The following NCKAP5 variants were observed in gnomAD, a reference collection of about 807,000 sequenced individuals.
NCKAP5 encodes the protein nck-associated protein 5.
Under a neutral mutation model 167.0 loss-of-function variants are expected in NCKAP5, and 92 were observed. The observed-to-expected ratio is 0.55, with a 90% confidence interval of 0.47 to 0.66. The LOEUF (loss-of-function observed/expected upper bound fraction) is 0.66. NCKAP5 is among the 30% of genes least tolerant of loss of function. The probability of loss-of-function intolerance (pLI) is 0.00; values close to 1 mark genes in which losing one functional copy is unlikely to be tolerated. For missense variants in NCKAP5, 2,378 were observed against 2,315.0 expected, an observed-to-expected ratio of 1.03 and a Z score of -0.56; for synonymous variants, 891 against 877.4, an observed-to-expected ratio of 1.02 and a Z score of -0.27.
intron 19 of NCKAP5, among the ~76,000 whole-genome samples, chr2:132,724,801 ACCCT>A (rs1194428166): frequency 6.6e-6 from 1 of 151,768 alleles, no homozygotes; most frequent in East Asian, 1.9e-4. Context: ...TGCTACTCTA[ACCCT>A]CCCTCCCCCA....
chr2:132,784,268 A>G lies in NCKAP5; in HGVS notation c.2543T>C (p.Met848Thr). The change falls in exon 14 of 20, where the codon ATG becomes ACG. Residue 848 changes from methionine (M) to threonine (T), a missense_variant. By Grantham distance (81) the Met-to-Thr change is moderately conservative. This residue lies in a region of NCKAP5 where 1,049 missense variants were observed against 1,023.4 expected (regional missense o/e 1.02). Transcript: ENST00000409261. ...GAGGGGCCCTGAGCTCTCAGTCTTC[A>G]TGAATCGTGAGAGTTTCCCAGGAGC... ...ALAPGKLSRF[M>T]KTESSGPLFE... is the part of the protein sequence containing the mutation. 2 of 1,611,384 alleles carry G rather than the reference A, an allele frequency of 1.2e-6. No individual in the cohort carries two copies. Among genetic ancestry groups the G allele is most frequent in the Non-Finnish European group, 1.7e-6 (2 of 1,179,168 alleles).
chr2:132,925,523 C>T (rs563100757), intron 8 of NCKAP5, among the ~76,000 whole-genome samples: 55 of 144,852 alleles, frequency 3.8e-4, no homozygotes, highest in South Asian at 2.6e-3. Context: ...GATTGTGCCA[C>T]TGCACTCCAG....
chr2:133,299,324 G>A (rs184190786), intron 4 of NCKAP5, among the ~76,000 whole-genome samples: 20 of 152,238 alleles, frequency 1.3e-4, no homozygotes, highest in African/African-American at 4.3e-4. Flanking sequence ...GAGGCAACCC[G>A]GCCTGGTGAG....
chr2:133,443,236 C>T (rs1459893038), intron 3 of NCKAP5, among the ~76,000 whole-genome samples: 9 of 152,194 alleles, frequency 5.9e-5, no homozygotes, highest in Non-Finnish European at 4.4e-5. Flanking sequence ...TCAGTGTGAA[C>T]TTCACAAGTC....
intron 8 of NCKAP5, among the ~76,000 whole-genome samples, chr2:132,891,453 C>G (rs1251494255): frequency 6.6e-6 from 1 of 152,238 alleles, no homozygotes; most frequent in East Asian, 1.9e-4. Context: ...ATTCAGAAGT[C>G]TCTTACTGCT....
At chr2:133,174,705 T>C (rs1484405431) in intron 5 of NCKAP5, among the ~76,000 whole-genome samples, 1 of 149,590 alleles carries the variant, frequency 6.7e-6, no homozygotes, top group Non-Finnish European at 1.5e-5. Context: ...GTAACATCTT[T>C]TTTTTTTTTT....
chr2:132,947,494 C>T (rs967984404), intron 8 of NCKAP5, among the ~76,000 whole-genome samples: 5 of 152,246 alleles, frequency 3.3e-5, no homozygotes, highest in African/African-American at 1.2e-4. Flanking sequence ...GTACACAATT[C>T]CCTGCAGCTA....
chr2:133,589,001 T>C, the NCKAP5 span, among the ~76,000 whole-genome samples: 1 of 152,132 alleles, frequency 6.6e-6, no homozygotes, highest in Non-Finnish European at 1.5e-5. Context: ...CACATGGCCA[T>C]TGCAGACAAG....
chr2:133,666,690 A>C, the NCKAP5 span, among the ~76,000 whole-genome samples: 3 of 151,388 alleles, frequency 2.0e-5, 1 homozygote, highest in African/African-American at 7.4e-5. Context: ...AATAGATTAA[A>C]ATATTCTAAA....
At chr2:133,536,724 A>T (rs1685792539) in intron 2 of NCKAP5, among the ~76,000 whole-genome samples, 1 of 151,976 alleles carries the variant, frequency 6.6e-6, no homozygotes, top group African/African-American at 2.4e-5. Flanking sequence ...CTTGTCACAT[A>T]TAATATTTGC....
At chr2:133,017,628 C>T (rs944240001) in intron 6 of NCKAP5, among the ~76,000 whole-genome samples, 1 of 151,686 alleles carries the variant, frequency 6.6e-6, no homozygotes, top group East Asian at 1.9e-4. Context: ...AAAAATTGAA[C>T]ACTTTAAATC....
At chr2:132,914,256 C>T (rs926014124) in intron 8 of NCKAP5, among the ~76,000 whole-genome samples, 3 of 151,892 alleles carry the variant, frequency 2.0e-5, no homozygotes, top group Admixed American at 6.6e-5. Context: ...AAGCCTAATT[C>T]GTGTGCAAAG....
intron 4 of NCKAP5, among the ~76,000 whole-genome samples, chr2:133,259,306 T>C (rs1057114004): frequency 6.6e-6 from 1 of 152,216 alleles, no homozygotes; most frequent in Non-Finnish European, 1.5e-5. Context: ...AGGCTTTGTG[T>C]CCTTTTTCTT....
intron 3 of NCKAP5, among the ~76,000 whole-genome samples, chr2:133,323,435 T>A (rs1333955624): frequency 6.6e-6 from 1 of 152,214 alleles, no homozygotes; most frequent in Non-Finnish European, 1.5e-5. Flanking sequence ...CTCCTCATCC[T>A]TTGTTGGAGA....
chr2:133,070,793 T>C (rs1463454222), intron 6 of NCKAP5, among the ~76,000 whole-genome samples: 1 of 152,164 alleles, frequency 6.6e-6, no homozygotes, highest in African/African-American at 2.4e-5. Flanking sequence ...AGGCAGAAGA[T>C]TTCATAAAAT....
chr2:132,921,658 G>A (rs922723309), intron 8 of NCKAP5, among the ~76,000 whole-genome samples: 1 of 152,204 alleles, frequency 6.6e-6, no homozygotes, highest in Non-Finnish European at 1.5e-5. Flanking sequence ...GTGCAGGTGT[G>A]TTAGCCAGGT....
chr2:133,319,058 A>T (rs1681829894), intron 3 of NCKAP5, among the ~76,000 whole-genome samples: 1 of 152,034 alleles, frequency 6.6e-6, no homozygotes, highest in Non-Finnish European at 1.5e-5. Flanking sequence ...CCTCCAGGTG[A>T]TTCTGATCCA....
At chr2:133,586,794 C>CACACAG in the NCKAP5 span, among the ~76,000 whole-genome samples, 1 of 142,854 alleles carries the variant, frequency 7.0e-6, no homozygotes, top group African/African-American at 2.7e-5. Context: ...CACACACACA[C>CACACAG]AGGATTTAGG....
chr2:132,764,630 T>A (rs1681292611), intron 16 of NCKAP5, among the ~76,000 whole-genome samples: 1 of 151,056 alleles, frequency 6.6e-6, no homozygotes, highest in Admixed American at 6.6e-5. Context: ...ACCATAGGCA[T>A]GATTATCTAA....
Sources: allele counts gnomAD v4.1 joint callset (sites outside exome capture counted in the v4.1 genomes callset), GRCh38; gene constraint gnomAD v4.1.1; regional missense constraint gnomAD v4.1.1; transcripts MANE v1.5; gene names NCBI Gene and HGNC (gene_info 2026-07-23, HGNC 2026-07-21).